Variants in ZNF438 observed in about 807,000 individuals in gnomAD.
ZNF438 encodes the protein zinc finger protein 438.
In ZNF438, 25 loss-of-function variants were observed where a neutral mutation model predicts 38.0. That is an observed-to-expected ratio of 0.66 (90% CI 0.48 to 0.92). The LOEUF (loss-of-function observed/expected upper bound fraction) is 0.92. ZNF438 is among the 40% of genes least tolerant of loss of function. The pLI is 0.00. For synonymous variants in ZNF438, 372 were observed against 364.1 expected (o/e 1.02, Z -0.25); for missense variants, 1,007 against 999.6 (o/e 1.01, Z -0.10).
At chr10:30,961,173 C>A (rs2049424715) in intron 1 of ZNF438, among the ~76,000 whole-genome samples, 1 of 139,068 alleles carries the variant, frequency 7.2e-6, no homozygotes, top group East Asian at 2.0e-4. Context: ...GTTTTTTTTA[C>A]ATATGTATAC....
At chr10:30,854,267 T>A (rs1341075422) in intron 4 of ZNF438, among the ~76,000 whole-genome samples, 2 of 152,126 alleles carry the variant, frequency 1.3e-5, no homozygotes, top group African/African-American at 4.8e-5. Context: ...TGAGCCGAAA[T>A]AGCGCCACTG....
At chr10:31,005,381 T>C (rs1690628) in intron 1 of ZNF438, among the ~76,000 whole-genome samples, 86,432 of 151,978 alleles carry the variant, frequency 0.57, 24,791 homozygotes, top group African/African-American at 0.62. Flanking sequence ...TGGAAGACAT[T>C]ATGCAGAGTG....
intron 1 of ZNF438, among the ~76,000 whole-genome samples, chr10:30,953,334 G>A (rs866933871): frequency 5.3e-5 from 8 of 151,930 alleles, no homozygotes; most frequent in South Asian, 2.1e-4. Flanking sequence ...GCGCACCAGC[G>A]TGGCACATGT....
chr10:30,933,034 C>A (rs2045864417), intron 2 of ZNF438, among the ~76,000 whole-genome samples: 1 of 152,178 alleles, frequency 6.6e-6, no homozygotes, highest in South Asian at 2.1e-4. Context: ...GCCTTTAGAA[C>A]TATAAGAGAA....
At chr10:30,937,556 A>T (rs1033584599) in intron 2 of ZNF438, among the ~76,000 whole-genome samples, 2 of 152,222 alleles carry the variant, frequency 1.3e-5, no homozygotes, top group African/African-American at 4.8e-5. Flanking sequence ...ACATGAGTAG[A>T]CAATGGTCTC....
rs1191534655 is a variant in ZNF438 at position 30,856,214 on chromosome 10, C to T, written c.38-5847G>A. On this transcript the variant is annotated intron_variant, in intron 4 of 5. Transcript: ENST00000413025. The stretch of plus-strand genomic sequence containing the variant: ...CTAGTAAGTAATCCGACAGGCAGTG[C>T]ATAACTATCCACCAAAGTTAAGCAC... Among the ~76,000 whole-genome samples the T allele has an allele frequency of 1.3e-5, 2 of 152,156 alleles. 1 individual carries two copies. The highest frequency in any genetic ancestry group is 4.1e-4 in the South Asian group (2 of 4,826).
intron 4 of ZNF438, chr10:30,857,799 G>A: frequency 7.3e-7 from 1 of 1,370,534 alleles, no homozygotes; most frequent in Non-Finnish European, 9.6e-7. Context: ...TCATTTACAT[G>A]TTAAAGGCAG....
intron 1 of ZNF438, among the ~76,000 whole-genome samples, chr10:30,996,899 T>G (rs1161997289): frequency 6.6e-6 from 1 of 152,020 alleles, no homozygotes; most frequent in Non-Finnish European, 1.5e-5. Context: ...AGAAGGAATT[T>G]TAGGAAATTC....
upstream of ZNF438, chr10:31,032,005 C>A (rs1219103467): frequency 6.6e-6 from 1 of 152,100 alleles, no homozygotes; most frequent in Admixed American, 6.5e-5. Context: ...CCACGCACCT[C>A]CCCGTAGCAG....
intron 1 of ZNF438, among the ~76,000 whole-genome samples, chr10:31,009,842 C>CTTTTT (rs34508005): frequency 1.5e-4 from 18 of 116,288 alleles, no homozygotes; most frequent in South Asian, 6.0e-4. Flanking sequence ...CTTATCAATT[C>CTTTTT]TTTTTTTTTT....
exon 5 of ZNF438, chr10:30,848,934 G>A (rs1467680038): frequency 1.1e-5 from 18 of 1,614,088 alleles, no homozygotes; most frequent in Non-Finnish European, 1.5e-5. Flanking sequence ...ACGGAGCTGG[G>A]CTTAGGGGAA....
In ZNF438 at chr10:30,962,712, C is replaced by T. The variant is rs964376296; in HGVS notation, c.-191-21061G>A. ...TGAGAAGCAAGTTGGATATAGCTTC[C>T]GGCTCATTGTCACACTGGCAGCAAT... On this transcript the variant is annotated intron_variant, in intron 1 of 5. Coordinates refer to ENST00000413025, the Ensembl canonical transcript of ZNF438. Among the ~76,000 whole-genome samples, 17 of 146,970 alleles carry T rather than the reference C, an allele frequency of 1.2e-4. 2 individuals are homozygous for T. The highest frequency in any genetic ancestry group is 2.2e-4 in the South Asian group (1 of 4,592).
At chr10:30,958,656 AATC>A (rs1325517364) in intron 1 of ZNF438, among the ~76,000 whole-genome samples, 4 of 146,946 alleles carry the variant, frequency 2.7e-5, no homozygotes, top group African/African-American at 7.3e-5. Flanking sequence ...AAATGGATGC[AATC>A]ATCACTACAA....
At chr10:30,896,458 T>G (rs983303802) in intron 3 of ZNF438, among the ~76,000 whole-genome samples, 2 of 152,250 alleles carry the variant, frequency 1.3e-5, no homozygotes, top group Middle Eastern at 6.8e-3. Flanking sequence ...ATACATACAA[T>G]GGATTATTCA....
intron 1 of ZNF438, among the ~76,000 whole-genome samples, chr10:31,018,507 G>T (rs1387352275): frequency 2.0e-5 from 3 of 152,098 alleles, no homozygotes; most frequent in Non-Finnish European, 4.4e-5. Flanking sequence ...ACATAATAAG[G>T]GTCACCAGTT....
At chr10:31,018,022 T>C (rs145380233) in intron 1 of ZNF438, among the ~76,000 whole-genome samples, 1 of 152,232 alleles carries the variant, frequency 6.6e-6, no homozygotes, top group Admixed American at 6.5e-5. Context: ...AGATTTTGTA[T>C]GTATAACTGA....
chr10:30,949,637 A>C (rs1452819254), intron 1 of ZNF438, among the ~76,000 whole-genome samples: 1 of 152,238 alleles, frequency 6.6e-6, no homozygotes, highest in African/African-American at 2.4e-5. Flanking sequence ...ACCAACAAAG[A>C]TCAAAAGAGA....
intron 1 of ZNF438, among the ~76,000 whole-genome samples, chr10:31,028,494 G>T (rs2057081646): frequency 6.6e-6 from 1 of 152,046 alleles, no homozygotes; most frequent in South Asian, 2.1e-4. Context: ...TGTTGAAAAG[G>T]ACTCTTGGGG....
At chr10:30,868,377 A>AT (rs968659037) in intron 4 of ZNF438, among the ~76,000 whole-genome samples, 20 of 151,912 alleles carry the variant, frequency 1.3e-4, no homozygotes, top group Non-Finnish European at 2.6e-4. Context: ...GGCCTGAAGG[A>AT]TTTTTTTAAA....
Sources: allele counts gnomAD v4.1 joint callset (sites outside exome capture counted in the v4.1 genomes callset), GRCh38; gene constraint gnomAD v4.1.1; transcripts MANE v1.5; gene names NCBI Gene and HGNC (gene_info 2026-07-23, HGNC 2026-07-21).